RPS6KA2: variants seen among roughly 807,000 people sequenced by gnomAD.
The protein encoded by RPS6KA2 is ribosomal protein S6 kinase alpha-2.
A neutral mutation model predicts 91.8 loss-of-function variants in RPS6KA2; 42 were observed. That is an observed-to-expected ratio of 0.46 (90% CI 0.36 to 0.59). The LOEUF is 0.59. Ranked by LOEUF, RPS6KA2 falls within the 20% of genes least tolerant of loss-of-function variation. The probability of loss-of-function intolerance (pLI) is 0.00; values close to 1 mark genes in which losing one functional copy is unlikely to be tolerated. For missense variants in RPS6KA2, 798 were observed against 978.5 expected (o/e 0.82, Z 2.46); for synonymous variants, 414 against 393.6 (o/e 1.05, Z -0.61).
At chr6:166,619,029 T>C (rs1475003709) in intron 1 of RPS6KA2, among the ~76,000 whole-genome samples, 4 of 150,366 alleles carry the variant, frequency 2.7e-5, no homozygotes, top group African/African-American at 1.0e-4. Context: ...ACCAGCCCTG[T>C]GCATATGGGC....
At chr6:166,862,466 G>T (rs1292821468) in exon 1 of RPS6KA2, 2 of 1,056,968 alleles carry the variant, frequency 1.9e-6, no homozygotes, top group Non-Finnish European at 2.5e-6. Context: ...TCGGGCTGGG[G>T]CGAGGAAAGG....
intron 1 of RPS6KA2, among the ~76,000 whole-genome samples, chr6:166,616,053 C>T (rs988801119): frequency 3.9e-5 from 6 of 152,242 alleles, no homozygotes; most frequent in Middle Eastern, 6.8e-3. Flanking sequence ...TTGCCGTACC[C>T]TGCCACCCAC....
At chr6:166,534,919 G>A (rs887212206) in intron 2 of RPS6KA2, among the ~76,000 whole-genome samples, 1 of 152,236 alleles carries the variant, frequency 6.6e-6, no homozygotes, top group Non-Finnish European at 1.5e-5. Flanking sequence ...ATGCAAAAAT[G>A]ATTTTGGTAA....
At chr6:166,859,692 A>G (rs1780998823) in intron 1 of RPS6KA2, among the ~76,000 whole-genome samples, 1 of 152,202 alleles carries the variant, frequency 6.6e-6, no homozygotes, top group Non-Finnish European at 1.5e-5. Flanking sequence ...TCTCTAGTAC[A>G]ATGGACCTCA....
chr6:166,813,681 C>T (rs112271502), intron 2 of RPS6KA2, among the ~76,000 whole-genome samples: 126 of 152,296 alleles, frequency 8.3e-4, no homozygotes, highest in African/African-American at 2.9e-3. Flanking sequence ...TGCGTCACTC[C>T]AGTCTCTGTG....
At chr6:166,471,710 G>C (rs953459222) in intron 10 of RPS6KA2, among the ~76,000 whole-genome samples, 2 of 152,208 alleles carry the variant, frequency 1.3e-5, no homozygotes. Flanking sequence ...GACACAGGTT[G>C]GGTAGCTTGT....
chr6:166,799,205 C>T (rs1381494825), intron 2 of RPS6KA2, among the ~76,000 whole-genome samples: 1 of 152,216 alleles, frequency 6.6e-6, no homozygotes, highest in Non-Finnish European at 1.5e-5. Context: ...TTTAGGAGCA[C>T]CCCAAGGGTC....
chr6:166,592,320 G>T (rs1785381569), intron 1 of RPS6KA2, among the ~76,000 whole-genome samples: 1 of 152,220 alleles, frequency 6.6e-6, no homozygotes, highest in Non-Finnish European at 1.5e-5. Flanking sequence ...CTGCGGGGAA[G>T]AGGGCCCCGG....
In RPS6KA2 at chr6:166,563,305, G is replaced by A. The variant is rs191187670; in HGVS notation, c.100-24521C>T. 1.8e-3 allele frequency among the ~76,000 whole-genome samples: 277 copies of A among 152,310 alleles called. No individual in the cohort carries two copies. Among genetic ancestry groups the A allele is most frequent in the African/African-American group, 5.9e-3 (244 of 41,556 alleles). ...AGGCCCCAGCGGGAAGCACTCGGAG[G>A]AGCGGGGGCCAACCCGGAATCAGCC... On this transcript the variant is annotated intron_variant, in intron 1 of 20. Coordinates refer to ENST00000265678, the MANE Select transcript of RPS6KA2 (RefSeq NM_021135.6). This position sits in a 1 kb window ranked among gnomAD's most constrained non-coding sequence, Gnocchi z 4.1.
At position 166,434,836 on chromosome 6, in the gene RPS6KA2, C is replaced by T. The variant is rs528058949; in HGVS notation, c.1333-2346G>A. 9.2e-5 allele frequency among the ~76,000 whole-genome samples: 14 copies of T among 152,230 alleles called. 1 individual carries two copies. Among genetic ancestry groups the T allele is most frequent in the African/African-American group, 3.1e-4 (13 of 41,524 alleles). On this transcript the variant is annotated intron_variant, in intron 14 of 20. Transcript: ENST00000265678. The surrounding 1 kb of genome is among the most constrained non-coding windows in gnomAD (Gnocchi z 4.4). Reference sequence around the variant, plus strand: ...GGCCGACGCGAGCAGGTGCATCCTACGCCATCCCTTGTTTTAAAAATGGAG... The same window carrying T: ...GGCCGACGCGAGCAGGTGCATCCTATGCCATCCCTTGTTTTAAAAATGGAG...
chr6:166,489,007 T>C, intron 9 of RPS6KA2, 86 bp from the exon 10 acceptor site: 2 of 1,113,360 alleles, frequency 1.8e-6, no homozygotes, highest in Non-Finnish European at 2.6e-6. Flanking sequence ...TTCAGAGACC[T>C]CAATCGCAGT....
rs1228189828 is a variant in RPS6KA2 at position 166,418,352 on chromosome 6, T to C, written c.1821-10A>G. 1.3e-6 allele frequency: 2 copies of C among 1,595,138 alleles called. No homozygotes were observed. The highest frequency in any genetic ancestry group is 1.3e-5 in the African/African-American group (1 of 74,450). On this transcript the variant is annotated splice_polypyrimidine_tract_variant and intron_variant, in intron 18 of 20. Coordinates refer to ENST00000265678, the MANE Select transcript of RPS6KA2 (RefSeq NM_021135.6). The surrounding 1 kb of genome is among the most constrained non-coding windows in gnomAD (Gnocchi z 4.9). ...TGCAAAAGGGGTAAATCTGTATAAT[T>C]AGACAAATTTGTGGTAATGAGCTTG...
At chr6:166,507,884 C>G (rs1182460076) in intron 5 of RPS6KA2, among the ~76,000 whole-genome samples, 1 of 141,290 alleles carries the variant, frequency 7.1e-6, no homozygotes, top group Admixed American at 6.9e-5. Context: ...CCACGCACAC[C>G]CCCCCACACA....
chr6:166,812,076 C>T (rs1231812619), intron 2 of RPS6KA2, among the ~76,000 whole-genome samples: 2 of 152,084 alleles, frequency 1.3e-5, no homozygotes, highest in Non-Finnish European at 2.9e-5. Flanking sequence ...GCAAGCGGGT[C>T]GGTTGTGGTG....
chr6:166,845,749 C>T (rs1285585956), intron 2 of RPS6KA2, among the ~76,000 whole-genome samples: 3 of 151,528 alleles, frequency 2.0e-5, no homozygotes, highest in Admixed American at 1.3e-4. Flanking sequence ...TAAATATCTA[C>T]ATCAAAAAGT....
rs564913985 is a variant in RPS6KA2 at position 166,662,754 on chromosome 6, T to C, written c.124-123970A>G. The stretch of plus-strand genomic sequence containing the variant: ...CTGAATTGTGTGCTCTCCAAATTCA[T>C]ATGTTGAAGTCCTAACCTCTGGTAC... On this transcript the variant is annotated intron_variant, in intron 2 of 21. Coordinates refer to the RPS6KA2 transcript ENST00000503859. The surrounding 1 kb of genome is among the most constrained non-coding windows in gnomAD (Gnocchi z 4.3). Among the ~76,000 whole-genome samples, 49 of 152,252 alleles carry C rather than the reference T, an allele frequency of 3.2e-4. No individual in the cohort carries two copies. Among genetic ancestry groups the C allele is most frequent in the African/African-American group, 1.1e-3 (45 of 41,554 alleles).
chr6:166,756,189 G>C (rs1326799743), intron 2 of RPS6KA2, among the ~76,000 whole-genome samples: 1 of 151,952 alleles, frequency 6.6e-6, no homozygotes, highest in African/African-American at 2.4e-5. Flanking sequence ...ACTCGGGAGG[G>C]TGAGGCAGGA....
At chr6:166,583,466 T>C (rs1459860228) in intron 1 of RPS6KA2, among the ~76,000 whole-genome samples, 1 of 152,186 alleles carries the variant, frequency 6.6e-6, no homozygotes, top group East Asian at 1.9e-4. Flanking sequence ...CAGCTGGTGG[T>C]GGAGAGCTTA....
chr6:166,477,955 G>C (rs1359455863), intron 10 of RPS6KA2, among the ~76,000 whole-genome samples: 1 of 152,202 alleles, frequency 6.6e-6, no homozygotes, highest in African/African-American at 2.4e-5. Context: ...AAAGCGCTTC[G>C]ATTGCTGCAA....
Sources: gnomAD v4.1 joint callset for allele counts (sites outside exome capture counted in the v4.1 genomes callset) on GRCh38, gnomAD v4.1.1 for gene constraint, Gnocchi (gnomAD v3.1) non-coding constraint, MANE v1.5 for transcripts, NCBI Gene and HGNC (gene_info 2026-07-23, HGNC 2026-07-21) for gene names.